CLIC6: variants seen among roughly 807,000 people sequenced by gnomAD.
CLIC6 encodes the protein CLIC family member 6.
A neutral mutation model predicts 49.2 loss-of-function variants in CLIC6; 39 were observed. That is an observed-to-expected ratio of 0.79 (90% CI 0.61 to 1.04). The LOEUF (loss-of-function observed/expected upper bound fraction) is 1.04, where lower values mean the gene tolerates loss of function less well. Among genes scored for constraint, CLIC6 ranks in the 50% least tolerant of loss-of-function variants. The pLI, the probability that CLIC6 is intolerant of heterozygous loss-of-function variation, is 0.00. For missense variants in CLIC6, 988 were observed against 993.1 expected (o/e 0.99, Z 0.07); for synonymous variants, 446 against 433.4 (o/e 1.03, Z -0.36).
chr21:34,690,873 A>G lies in CLIC6; in HGVS notation c.1375-16407A>G, dbSNP rs564015566. ...TTATAATACATGTCAAAAAAAAAAA[A>G]AAAAAAAAGCATGTGGCACAGAAAA... On this transcript the variant is annotated intron_variant, in intron 1 of 5. Coordinates refer to ENST00000349499, the MANE Select transcript of CLIC6 (RefSeq NM_053277.3). 5.5e-4 allele frequency among the ~76,000 whole-genome samples: 83 copies of G among 151,490 alleles called. 1 individual carries two copies. The South Asian group carries it at 9.4e-3, about 17-fold the overall frequency.
At chr21:34,692,195 T>C (rs1441688713) in intron 1 of CLIC6, among the ~76,000 whole-genome samples, 2 of 152,334 alleles carry the variant, frequency 1.3e-5, no homozygotes, top group East Asian at 1.9e-4. Context: ...TGAGAAGGTA[T>C]AGAAAAGTTA....
intron 1 of CLIC6, among the ~76,000 whole-genome samples, chr21:34,700,011 CG>C (rs943473114): frequency 2.6e-5 from 4 of 152,128 alleles, no homozygotes; most frequent in African/African-American, 9.7e-5. Context: ...GCTGGAGCCA[CG>C]TTGCCTGTTC....
chr21:34,707,221 G>T (rs1477880705), intron 1 of CLIC6, 59 bp from the exon 2 acceptor site: 8 of 1,227,450 alleles, frequency 6.5e-6, no homozygotes, highest in Non-Finnish European at 9.7e-6. Flanking sequence ...GCATGTTGTG[G>T]TGTTGGCACT....
chr21:34,706,696 C>A (rs1239984370), intron 1 of CLIC6, among the ~76,000 whole-genome samples: 1 of 152,192 alleles, frequency 6.6e-6, no homozygotes, highest in Non-Finnish European at 1.5e-5. Context: ...AGTCTGGTGT[C>A]TTTCTCTCAA....
chr21:34,708,737 T>C lies in CLIC6; in HGVS notation c.1648T>C (p.Ser550Pro), dbSNP rs774812214. Residue 550 changes from serine to proline, a missense_variant, in exon 4 of 6, where the codon TCC becomes CCC. Physicochemically the swap from Ser to Pro is moderately conservative, Grantham distance 74. Coordinates refer to ENST00000349499, the MANE Select transcript of CLIC6 (RefSeq NM_053277.3). ...KLGTQHPESN[S>P]AGNDVFAKFS... ...GGGGACCCAACATCCCGAATCTAAT[T>C]CCGCAGGAAATGACGTGTTTGCCAA... 1 of 1,614,168 alleles carries C rather than the reference T, an allele frequency of 6.2e-7. No homozygotes were observed. The highest frequency in any genetic ancestry group is 8.5e-7 in the Non-Finnish European group (1 of 1,180,004).
chr21:34,693,349 A>C (rs781631313), intron 1 of CLIC6, among the ~76,000 whole-genome samples: 4 of 152,172 alleles, frequency 2.6e-5, no homozygotes, highest in Admixed American at 6.5e-5. Context: ...AACTTGTAGC[A>C]TTTTCCCACA....
intron 1 of CLIC6, among the ~76,000 whole-genome samples, chr21:34,676,593 G>A (rs1417283286): frequency 6.6e-6 from 1 of 152,224 alleles, no homozygotes; most frequent in East Asian, 1.9e-4. Context: ...CAGCCAGCCA[G>A]TTAATGATGG....
chr21:34,709,373 G>C lies in CLIC6; in HGVS notation c.1734G>C (p.Leu578=). ...CTGTTTTAGTTCATGAAAAGAACCT[G>C]CTGAAGGCCCTGAGGAAGCTGGATA... ...KDANEIHEKN[L]LKALRKLDNY... is the part of the protein sequence containing the mutation. Residue 578 remains leucine, a synonymous_variant, in exon 5 of 6, where the codon CTG becomes CTC. Transcript: ENST00000349499. The C allele has an allele frequency of 1.9e-6, 3 of 1,613,844 alleles. No individual in the cohort carries two copies. The highest frequency in any genetic ancestry group is 2.5e-6 in the Non-Finnish European group (3 of 1,179,908).
intron 1 of CLIC6, among the ~76,000 whole-genome samples, chr21:34,701,308 CA>C (rs763844976): frequency 0.17 from 8,368 of 49,254 alleles, 136 homozygotes; most frequent in East Asian, 0.24. Context: ...GGCTCCGTCT[CA>C]AAAAAAAAAA....
At chr21:34,708,653 A>T (rs1568970526) in intron 3 of CLIC6, 47 bp from the exon 4 acceptor site, 2 of 1,309,506 alleles carry the variant, frequency 1.5e-6, no homozygotes, top group East Asian at 2.3e-5. Flanking sequence ...TATTATCTTC[A>T]CTAAAACATC....
intron 1 of CLIC6, 82 bp downstream of exon 1, chr21:34,670,844 A>G (rs766310615): frequency 7.0e-7 from 1 of 1,428,550 alleles, no homozygotes; most frequent in Non-Finnish European, 9.3e-7. Flanking sequence ...AGGGACGCGC[A>G]GGGAGGAACC....
In CLIC6 at chr21:34,691,573, G is replaced by A. The variant is rs111761289; in HGVS notation, c.1375-15707G>A. Among the ~76,000 whole-genome samples the A allele has an allele frequency of 7.4e-4, 112 of 151,040 alleles. 1 individual carries two copies. The East Asian group carries it at 0.016, about 22-fold the overall frequency. ...CCAGGAAAAAAAAAAAGGGAGTGTCGGGGAAAACTAGCAGGTTGATACAGA... is the reference window on the plus strand; with the variant it reads ...CCAGGAAAAAAAAAAAGGGAGTGTCAGGGAAAACTAGCAGGTTGATACAGA... On this transcript the variant is annotated intron_variant, in intron 1 of 5. Transcript: ENST00000349499.
intron 1 of CLIC6, among the ~76,000 whole-genome samples, chr21:34,704,618 A>G (rs2056002053): frequency 6.6e-6 from 1 of 152,220 alleles, no homozygotes; most frequent in South Asian, 2.1e-4. Flanking sequence ...ATATTGTCCC[A>G]TCCTGTTTCT....
Position 34,670,098 on chromosome 21 carries a change from G to A in CLIC6, c.710G>A (p.Gly237Glu), listed in dbSNP as rs1435807712. ...AGCGTAGACGCGGAAGGTCCGGCGG[G>A]GGACAGCGTAGACGCGGAGGGCCGG... ...GDSVDAEGPAGDSVDAEGRVG... is the reference protein window; with the variant it reads ...GDSVDAEGPAEDSVDAEGRVG... Residue 237 changes from glycine to glutamate, a missense_variant, in exon 1 of 6, where the codon GGG (glycine) becomes GAG (glutamate). Around this residue, in one of 3 missense-constraint regions of CLIC6, gnomAD observed 57 missense variants for 117.6 expected, o/e 0.48. Coordinates refer to ENST00000349499, the MANE Select transcript of CLIC6 (RefSeq NM_053277.3). 7.2e-7 allele frequency: 1 copy of A among 1,389,892 alleles called. No homozygotes were observed. Among genetic ancestry groups the A allele is most frequent in the African/African-American group, 1.5e-5 (1 of 65,188 alleles). 86.1% of individuals were successfully genotyped at this position (1,389,892 alleles called of 1,614,324 possible).
chr21:34,693,733 A>C (rs1990038558), intron 1 of CLIC6, among the ~76,000 whole-genome samples: 1 of 152,210 alleles, frequency 6.6e-6, no homozygotes, highest in African/African-American at 2.4e-5. Context: ...AGGCCTGCCC[A>C]CAGTTCAGGT....
chr21:34,709,621 C>G, intron 5 of CLIC6, 83 bp downstream of exon 5: 1 of 1,234,082 alleles, frequency 8.1e-7, no homozygotes, highest in Non-Finnish European at 1.1e-6. Context: ...TTGGGCCAGA[C>G]ATTTAAACAG....
At chr21:34,703,144 A>G (rs976459934) in intron 1 of CLIC6, among the ~76,000 whole-genome samples, 38 of 152,168 alleles carry the variant, frequency 2.5e-4, no homozygotes, top group African/African-American at 8.7e-4. Flanking sequence ...ACACGGATGC[A>G]TTTCCTGCCT....
At position 34,670,268 on chromosome 21, in the gene CLIC6, G is replaced by C; in HGVS notation, c.880G>C (p.Gly294Arg). 6.9e-7 allele frequency: 1 copy of C among 1,441,682 alleles called. No homozygotes were observed. The highest frequency in any genetic ancestry group is 9.1e-7 in the Non-Finnish European group (1 of 1,104,036). 89.3% of individuals were successfully genotyped at this position (1,441,682 alleles called of 1,614,324 possible). A position where few individuals can be genotyped will look rare whatever the true frequency, so the allele number is the denominator to read the frequency against. The change falls in exon 1 of 6, where the codon GGT (glycine) becomes CGT (arginine). Residue 294 changes from glycine (G) to arginine (R), a missense_variant. Gly to Arg is a moderately radical substitution (Grantham distance 125, BLOSUM62 -2). Coordinates refer to ENST00000349499, the MANE Select transcript of CLIC6 (RefSeq NM_053277.3). Reference sequence around the variant, plus strand: ...GGCAGGAAGGGCGCGCCGGGTCTCGGGTGAGCCGCAGCAATCGGGGGACGG... The same window carrying C: ...GGCAGGAAGGGCGCGCCGGGTCTCGCGTGAGCCGCAGCAATCGGGGGACGG... ...GPAGRARRVS[G>R]EPQQSGDGSL...
chr21:34,673,446 C>T (rs1282122839), intron 1 of CLIC6, among the ~76,000 whole-genome samples: 3 of 151,182 alleles, frequency 2.0e-5, no homozygotes, highest in East Asian at 1.9e-4. Flanking sequence ...TGCGCCACCA[C>T]GTCTGGCTAA....
Sources: allele counts gnomAD v4.1 joint callset (sites outside exome capture counted in the v4.1 genomes callset), GRCh38; gene constraint gnomAD v4.1.1; regional missense constraint gnomAD v4.1.1; transcripts MANE v1.5; gene names NCBI Gene and HGNC (gene_info 2026-07-23, HGNC 2026-07-21).